Variants in NXN observed in about 807,000 individuals in gnomAD.
The protein encoded by NXN is nucleoredoxin 1.
A neutral mutation model predicts 48.6 loss-of-function variants in NXN; 16 were observed. The ratio of observed to expected loss-of-function variants is 0.33; its 90% CI spans 0.22 to 0.50. The LOEUF is 0.50. NXN is among the 20% of genes least tolerant of loss of function. NXN has a pLI of 0.98. For synonymous variants in NXN, 281 were observed against 269.6 expected (o/e 1.04, Z -0.41); for missense variants, 492 against 605.5 (o/e 0.81, Z 1.97).
At chr17:803,919 C>G (rs2144563394) in intron 6 of NXN, 113 bp from the exon 7 acceptor site, 2 of 1,424,466 alleles carry the variant, frequency 1.4e-6, no homozygotes, top group Admixed American at 1.9e-5. Flanking sequence ...TGAGCGGCCC[C>G]TGAACGGAAA....
At chr17:918,788 C>CAAA (rs565543862) in intron 1 of NXN, among the ~76,000 whole-genome samples, 1 of 45,468 alleles carries the variant, frequency 2.2e-5, no homozygotes, top group African/African-American at 9.0e-5. Context: ...GACTCAGTCT[C>CAAA]AAAAAAAAAA....
rs532615143 is a variant in NXN, at chr17:820,749, C to A, written c.714-1204G>T. 2.8e-5 allele frequency among the ~76,000 whole-genome samples: 2 copies of A among 71,310 alleles called. 1 individual carries two copies. The highest frequency in any genetic ancestry group is 8.4e-4 in the East Asian group (2 of 2,392). 46.8% of individuals were successfully genotyped at this position (71,310 alleles called of 152,430 possible). On this transcript the variant is annotated intron_variant, in intron 4 of 7. Coordinates refer to ENST00000336868, the MANE Select transcript of NXN (RefSeq NM_022463.5). ...GACCAGCCTGGGCAACATGGAAAAACCGCATCTCTACTAAAAATACAAAAA... is the reference window on the plus strand; with the variant it reads ...GACCAGCCTGGGCAACATGGAAAAAACGCATCTCTACTAAAAATACAAAAA...
Position 956,195 on chromosome 17 carries a change from C to T in NXN, c.360+23124G>A, listed in dbSNP as rs1383646748. 2.0e-5 allele frequency among the ~76,000 whole-genome samples: 3 copies of T among 152,156 alleles called. No homozygotes were observed. Among genetic ancestry groups the T allele is most frequent in the African/African-American group, 7.2e-5 (3 of 41,444 alleles). On this transcript the variant is annotated intron_variant, in intron 1 of 7. Transcript: ENST00000336868. This position sits in a 1 kb window ranked among gnomAD's most constrained non-coding sequence, Gnocchi z 4.1. ...CTCTTCCCACCGGAATCCCGCCAAG[C>T]CTTCAACTCTCCATCCAAACCATTC...
chr17:852,011 C>G (rs2067928711), intron 1 of NXN, among the ~76,000 whole-genome samples: 1 of 152,204 alleles, frequency 6.6e-6, no homozygotes, highest in Non-Finnish European at 1.5e-5. Flanking sequence ...CACGCTGTAG[C>G]TCAATTAGGG....
chr17:835,127 T>C lies in NXN; in HGVS notation c.361-9049A>G, dbSNP rs981224729. 1.9e-4 allele frequency among the ~76,000 whole-genome samples: 28 copies of C among 150,420 alleles called. No individual in the cohort carries two copies. In the East Asian group the frequency reaches 4.1e-3, roughly 22 times the overall value. ...ATCGAGACCATCCTGGCTAACATGG[T>C]GAAACCCTGTCTCTACTAAAAATAC... On this transcript the variant is annotated intron_variant, in intron 1 of 7. Transcript: ENST00000336868.
intron 1 of NXN, among the ~76,000 whole-genome samples, chr17:885,309 C>G (rs957432102): frequency 3.3e-5 from 5 of 152,022 alleles, no homozygotes; most frequent in African/African-American, 1.2e-4. Context: ...GACACCTCGT[C>G]TCTACTAAAA....
intron 1 of NXN, among the ~76,000 whole-genome samples, chr17:851,145 T>C (rs2067919281): frequency 1.3e-5 from 2 of 152,174 alleles, no homozygotes; most frequent in Admixed American, 6.5e-5. Context: ...CTGCTAAACA[T>C]CAACACGTTT....
At chr17:889,327 G>A (rs2068384221) in intron 1 of NXN, among the ~76,000 whole-genome samples, 1 of 152,252 alleles carries the variant, frequency 6.6e-6, no homozygotes, top group African/African-American at 2.4e-5. Flanking sequence ...ATACTGAAAA[G>A]CTCTAAGCCC....
chr17:979,736 G>T lies in NXN; in HGVS notation c.-58C>A, dbSNP rs1056808611. 86 of 1,252,658 alleles carry T rather than the reference G, an allele frequency of 6.9e-5. 1 individual carries two copies. The African/African-American group carries it at 7.0e-4, about 10-fold the overall frequency. The allele number at this position is 1,252,658 out of a possible 1,614,324, so 77.6% of individuals were successfully genotyped here. ...GACCCCGCTCCACGGTCCGCGCGGCGGGAGGAGGCGGCGGCGTCGGCGGCA... is the reference window on the plus strand; with the variant it reads ...GACCCCGCTCCACGGTCCGCGCGGCTGGAGGAGGCGGCGGCGTCGGCGGCA... On this transcript the variant is annotated 5_prime_UTR_variant, in exon 1 of 8. Coordinates refer to ENST00000336868, the MANE Select transcript of NXN (RefSeq NM_022463.5).
chr17:815,963 C>A (rs1408198538), intron 5 of NXN, among the ~76,000 whole-genome samples: 1 of 152,176 alleles, frequency 6.6e-6, no homozygotes, highest in Non-Finnish European at 1.5e-5. Flanking sequence ...ACATCAGAGA[C>A]CATCACCTCC....
chr17:935,773 C>A (rs185326776), intron 1 of NXN, among the ~76,000 whole-genome samples: 1 of 152,014 alleles, frequency 6.6e-6, no homozygotes, highest in Non-Finnish European at 1.5e-5. Context: ...AGATACCATG[C>A]CAGCCACATC....
rs139798766 is a variant in NXN, at chr17:878,903, G to A, written c.361-52825C>T. On this transcript the variant is annotated intron_variant, in intron 1 of 7. Coordinates refer to ENST00000336868, the MANE Select transcript of NXN (RefSeq NM_022463.5). ...AGACAGGCCAGGTGCGGTGGCTCAC[G>A]CCTGTAATCCCAGCACTTTGGGAGG... Among the ~76,000 whole-genome samples, 861 of 152,254 alleles carry A rather than the reference G, an allele frequency of 5.7e-3. 3 individuals carry two copies. The highest frequency in any genetic ancestry group is 0.014 in the African/African-American group (596 of 41,546).
chr17:922,917 G>A (rs2068762869), intron 1 of NXN, among the ~76,000 whole-genome samples: 1 of 151,958 alleles, frequency 6.6e-6, no homozygotes, highest in Admixed American at 6.6e-5. Flanking sequence ...CTCCCAAAGT[G>A]CTGGGATTAC....
At chr17:962,944 C>G (rs1837435437) in intron 1 of NXN, among the ~76,000 whole-genome samples, 1 of 152,148 alleles carries the variant, frequency 6.6e-6, no homozygotes, top group South Asian at 2.1e-4. Flanking sequence ...CTCCTTTCGC[C>G]TGTTGTACAC....
intron 1 of NXN, among the ~76,000 whole-genome samples, chr17:953,988 A>C (rs912844777): frequency 2.6e-5 from 4 of 152,156 alleles, no homozygotes; most frequent in African/African-American, 9.7e-5. Context: ...CTGTCTAGCA[A>C]AGTGCAACTC....
At chr17:928,138 G>A (rs984991709) in intron 1 of NXN, among the ~76,000 whole-genome samples, 1 of 152,148 alleles carries the variant, frequency 6.6e-6, no homozygotes, top group Non-Finnish European at 1.5e-5. Context: ...AGTGCCATAA[G>A]CATGCGTCAC....
rs867836295 is a variant in NXN at position 923,406 on chromosome 17, C to T, written c.360+55913G>A. 3.3e-5 allele frequency among the ~76,000 whole-genome samples: 5 copies of T among 152,282 alleles called. No homozygotes were observed. The South Asian group carries it at 1.0e-3, about 32-fold the overall frequency. On this transcript the variant is annotated intron_variant, in intron 1 of 7. Transcript: ENST00000336868. ...GGTGTGTTGGCACATACCTGTAGTCCTAGCTACCCCGGAGGCTGAGACGGG... is the reference window on the plus strand; with the variant it reads ...GGTGTGTTGGCACATACCTGTAGTCTTAGCTACCCCGGAGGCTGAGACGGG...
At chr17:857,732 C>G (rs1158297279) in intron 1 of NXN, among the ~76,000 whole-genome samples, 1 of 152,166 alleles carries the variant, frequency 6.6e-6, no homozygotes, top group African/African-American at 2.4e-5. Context: ...CAAAATAGGG[C>G]AGGGGGCAAG....
At chr17:829,140 C>CT (rs762247640) in intron 1 of NXN, among the ~76,000 whole-genome samples, 331 of 128,892 alleles carry the variant, frequency 2.6e-3, no homozygotes, top group Middle Eastern at 8.1e-3. Context: ...GTTGCTTATC[C>CT]TTTTTTTTTT....
Sources: allele counts gnomAD v4.1 joint callset (sites outside exome capture counted in the v4.1 genomes callset), GRCh38; gene constraint gnomAD v4.1.1; non-coding constraint Gnocchi (gnomAD v3.1); transcripts MANE v1.5; gene names NCBI Gene and HGNC (gene_info 2026-07-23, HGNC 2026-07-21).